The following SMCO4 variants were observed in gnomAD, a reference collection of about 807,000 sequenced individuals.
SMCO4 encodes single-pass membrane protein with coiled-coil domains 4.
A neutral mutation model predicts 3.6 loss-of-function variants in SMCO4; 4 were observed. The ratio of observed to expected loss-of-function variants is 1.11; its 90% CI spans 0.54 to 2.53. The LOEUF (loss-of-function observed/expected upper bound fraction) is 2.53, where lower values mean the gene tolerates loss of function less well. Ranked by LOEUF, SMCO4 falls within the 30% of genes most tolerant of loss-of-function variation. SMCO4 has a pLI of 0.02. For missense variants in SMCO4, 70 were observed against 80.8 expected (o/e 0.87, Z 0.51); for synonymous variants, 36 against 35.3 (o/e 1.02, Z -0.07).
Position 93,478,982 on chromosome 11 carries a change from C to A in SMCO4, c.*28G>T. On this transcript the variant is annotated 3_prime_UTR_variant, in exon 3 of 3. Transcript: ENST00000298966. The stretch of plus-strand genomic sequence containing the variant: ...CCCCTCCCGCGCCTCCTCTCCCTGC[C>A]GATGGGGTCCGCAGCCGGCTGCGGG... 1 of 1,581,200 alleles carries A rather than the reference C, an allele frequency of 6.3e-7. No individual in the cohort carries two copies. The highest frequency in any genetic ancestry group is 1.1e-5 in the South Asian group (1 of 89,526).
At chr11:93,507,504 G>A (rs1178251201) in intron 1 of SMCO4, among the ~76,000 whole-genome samples, 1 of 152,178 alleles carries the variant, frequency 6.6e-6, no homozygotes, top group Non-Finnish European at 1.5e-5. Flanking sequence ...ATTAACAAAT[G>A]TGATATGTTG....
intron 1 of SMCO4, among the ~76,000 whole-genome samples, chr11:93,518,094 G>A (rs1250839871): frequency 1.3e-5 from 2 of 152,034 alleles, no homozygotes; most frequent in South Asian, 2.1e-4. Context: ...CTTGGCAGTC[G>A]ATCCACACAA....
intron 1 of SMCO4, among the ~76,000 whole-genome samples, chr11:93,528,088 GAC>G (rs1949127418): frequency 6.6e-6 from 1 of 151,766 alleles, no homozygotes; most frequent in African/African-American, 2.4e-5. Flanking sequence ...TAGTTATAAA[GAC>G]AGTACATGCT....
chr11:93,500,086 A>C (rs1022885509), intron 1 of SMCO4, among the ~76,000 whole-genome samples: 3 of 152,268 alleles, frequency 2.0e-5, no homozygotes, highest in African/African-American at 7.2e-5. Context: ...GACATAATTG[A>C]GTAATGGTAC....
chr11:93,487,343 CA>C (rs1302849045), intron 2 of SMCO4, among the ~76,000 whole-genome samples: 2 of 152,164 alleles, frequency 1.3e-5, no homozygotes, highest in African/African-American at 2.4e-5. Flanking sequence ...TATACATGAA[CA>C]AACAATGACA....
chr11:93,544,907 C>A (rs956330443), upstream of SMCO4, among the ~76,000 whole-genome samples: 13 of 152,148 alleles, frequency 8.5e-5, no homozygotes, highest in Admixed American at 7.9e-4. Flanking sequence ...ATTTAAGGAG[C>A]ATCTTTTTAG....
At chr11:93,492,172 G>A (rs770458561) in intron 2 of SMCO4, among the ~76,000 whole-genome samples, 7 of 152,168 alleles carry the variant, frequency 4.6e-5, no homozygotes, top group African/African-American at 1.2e-4. Context: ...TCCAGCAACC[G>A]TTCATTTATC....
chr11:93,528,818 CAGA>C (rs760181971), intron 1 of SMCO4, among the ~76,000 whole-genome samples: 9 of 152,166 alleles, frequency 5.9e-5, no homozygotes, highest in Non-Finnish European at 1.2e-4. Context: ...ATCTGGATAC[CAGA>C]AGACCAACTT....
intron 1 of SMCO4, among the ~76,000 whole-genome samples, chr11:93,506,863 C>T (rs896175321): frequency 2.0e-5 from 3 of 152,162 alleles, no homozygotes; most frequent in Admixed American, 1.3e-4. Flanking sequence ...TCGGCACTTC[C>T]GCTGCAGGCC....
intron 1 of SMCO4, among the ~76,000 whole-genome samples, chr11:93,525,350 G>C (rs776331362): frequency 1.3e-5 from 2 of 152,150 alleles, no homozygotes; most frequent in South Asian, 4.1e-4. Context: ...GATTAAATGA[G>C]ATAATCTGCA....
upstream of SMCO4, among the ~76,000 whole-genome samples, chr11:93,545,498 G>A (rs1949308799): frequency 7.0e-6 from 1 of 142,206 alleles, no homozygotes. Flanking sequence ...TGAGGCAGGA[G>A]AATCACCTGA....
At chr11:93,505,574 T>C (rs1410682014) in intron 1 of SMCO4, among the ~76,000 whole-genome samples, 3 of 152,206 alleles carry the variant, frequency 2.0e-5, no homozygotes, top group Admixed American at 2.0e-4. Flanking sequence ...TTACGACTTA[T>C]GCCAAAAAAA....
intron 1 of SMCO4, among the ~76,000 whole-genome samples, chr11:93,514,374 C>CTA (rs148462986): frequency 0.013 from 521 of 38,754 alleles, 7 homozygotes; most frequent in Non-Finnish European, 0.024. Context: ...CAGGATGAGG[C>CTA]TATATATATA....
chr11:93,513,271 T>C (rs1292277450), intron 1 of SMCO4, among the ~76,000 whole-genome samples: 1 of 152,232 alleles, frequency 6.6e-6, no homozygotes, highest in Non-Finnish European at 1.5e-5. Context: ...AGTCAATATA[T>C]GTGAAGACCT....
intron 1 of SMCO4, among the ~76,000 whole-genome samples, chr11:93,519,032 A>G (rs1036667807): frequency 6.6e-6 from 1 of 152,248 alleles, no homozygotes; most frequent in Non-Finnish European, 1.5e-5. Flanking sequence ...TTAAAAGACT[A>G]TTTCTAATTA....
chr11:93,509,617 C>A (rs1216960776), intron 1 of SMCO4, among the ~76,000 whole-genome samples: 1 of 152,186 alleles, frequency 6.6e-6, no homozygotes, highest in Non-Finnish European at 1.5e-5. Flanking sequence ...TATACATATA[C>A]CACGAAAGAC....
chr11:93,512,799 C>T (rs1037280563), intron 1 of SMCO4, among the ~76,000 whole-genome samples: 4 of 152,022 alleles, frequency 2.6e-5, no homozygotes, highest in Admixed American at 2.0e-4. Context: ...AGGCATTGAC[C>T]GTATATCTTG....
chr11:93,519,559 C>T (rs889258287), intron 1 of SMCO4, among the ~76,000 whole-genome samples: 1 of 152,210 alleles, frequency 6.6e-6, no homozygotes, highest in African/African-American at 2.4e-5. Flanking sequence ...CCATCTTTTG[C>T]AAAAGTAGGG....
intron 1 of SMCO4, among the ~76,000 whole-genome samples, chr11:93,523,107 A>G (rs944057789): frequency 2.0e-5 from 3 of 152,160 alleles, no homozygotes; most frequent in African/African-American, 7.2e-5. Context: ...GAGAGAGAGG[A>G]GAAGGGAAAA....
Sources: allele counts gnomAD v4.1 joint callset (sites outside exome capture counted in the v4.1 genomes callset), GRCh38; gene constraint gnomAD v4.1.1; transcripts MANE v1.5; gene names NCBI Gene and HGNC (gene_info 2026-07-23, HGNC 2026-07-21).